Variants in ABCB4 observed in about 807,000 individuals in gnomAD.
The protein encoded by ABCB4 is ATP binding cassette subfamily B member 4.
Under a neutral mutation model 145.7 loss-of-function variants are expected in ABCB4, and 76 were observed. The ratio of observed to expected loss-of-function variants is 0.52; its 90% CI spans 0.43 to 0.63. The LOEUF (loss-of-function observed/expected upper bound fraction) is 0.63, where lower values mean the gene tolerates loss of function less well. ABCB4 is among the 30% of genes least tolerant of loss of function. ABCB4 has a pLI of 0.00. For synonymous variants in ABCB4, 517 were observed against 566.8 expected, an observed-to-expected ratio of 0.91 and a Z score of 1.25; for missense variants, 1,234 against 1,553.1, an observed-to-expected ratio of 0.79 and a Z score of 3.45.
downstream of ABCB4, chr7:87,398,706 T>A (rs576804700): frequency 8.6e-5 from 130 of 1,516,044 alleles, 2 homozygotes; most frequent in South Asian, 1.5e-3. Flanking sequence ...TGGGAGTGAG[T>A]TGGTAATATG....
chr7:87,474,671 G>A (rs1350902459), intron 2 of ABCB4, among the ~76,000 whole-genome samples: 1 of 152,134 alleles, frequency 6.6e-6, no homozygotes, highest in Non-Finnish European at 1.5e-5. Flanking sequence ...TATTCCCACA[G>A]TGAAAGAGGA....
chr7:87,450,038 C>T lies in ABCB4; in HGVS notation c.763G>A (p.Val255Met), dbSNP rs779602128. The change falls in exon 8 of 28, where the codon GTG becomes ATG. Residue 255 changes from valine to methionine, a missense_variant. Transcript: ENST00000649586. ...ELAAYAKAGA[V>M]AEEALGAIRT... ...ATGGCCCCCAGAGCCTCTTCTGCCACGGCGCCTGCTTTTGCATAAGCAGCT... is the reference window on the plus strand; with the variant it reads ...ATGGCCCCCAGAGCCTCTTCTGCCATGGCGCCTGCTTTTGCATAAGCAGCT... The T allele has an allele frequency of 1.9e-5, 30 of 1,614,060 alleles. No homozygotes were observed. The highest frequency in any genetic ancestry group is 8.0e-5 in the African/African-American group (6 of 74,934).
chr7:87,402,124 C>G lies in ABCB4; in HGVS notation c.3812G>C (p.Ser1271Thr). The G allele has an allele frequency of 6.2e-7, 1 of 1,614,078 alleles. No homozygotes were observed. The highest frequency in any genetic ancestry group is 8.5e-7 in the Non-Finnish European group (1 of 1,180,030). The change falls in exon 28 of 28, where the codon AGT (serine) becomes ACT (threonine). Residue 1271 changes from serine (S) to threonine (T), a missense_variant. Ser to Thr is a moderately conservative substitution (Grantham distance 58). This residue lies in a region of ABCB4 where 58 missense variants were observed against 75.9 expected (regional missense o/e 0.76). Coordinates refer to ENST00000649586, the MANE Select transcript of ABCB4 (RefSeq NM_000443.4). ...AQKGIYFSMVSVQAGTQNL is the reference protein window; with the variant it reads ...AQKGIYFSMVTVQAGTQNL The stretch of plus-strand genomic sequence containing the variant: ...TAAGTTCTGTGTCCCAGCCTGGACA[C>G]TGACCATTGAAAAATAGATGCCTTT...
At chr7:87,414,675 CT>C (rs937123072) in intron 21 of ABCB4, among the ~76,000 whole-genome samples, 16 of 148,646 alleles carry the variant, frequency 1.1e-4, no homozygotes, top group South Asian at 2.1e-4. Context: ...AGCTTTAAGA[CT>C]TTTTTTTTTA....
chr7:87,472,002 A>C (rs1012769796), intron 3 of ABCB4, among the ~76,000 whole-genome samples: 1 of 152,150 alleles, frequency 6.6e-6, no homozygotes, highest in Non-Finnish European at 1.5e-5. Context: ...GCAGAAATGC[A>C]TTTTCTTGAA....
At chr7:87,427,341 C>T (rs556236844) in intron 15 of ABCB4, among the ~76,000 whole-genome samples, 11 of 152,134 alleles carry the variant, frequency 7.2e-5, no homozygotes, top group Admixed American at 6.5e-4. Flanking sequence ...TGGTCACTAC[C>T]CACGGGAGGT....
chr7:87,453,169 T>G (rs762430123), intron 5 of ABCB4, 34 bp from the exon 6 acceptor site: 1 of 1,591,330 alleles, frequency 6.3e-7, no homozygotes. Context: ...ATTAAATACC[T>G]TCTCTTTTCT....
intron 15 of ABCB4, among the ~76,000 whole-genome samples, chr7:87,427,519 G>C (rs1809921910): frequency 6.6e-6 from 1 of 152,176 alleles, no homozygotes; most frequent in South Asian, 2.1e-4. Context: ...AGGACTTCTA[G>C]TTCACTGCCT....
At chr7:87,430,130 C>T (rs1810108180) in intron 15 of ABCB4, among the ~76,000 whole-genome samples, 1 of 152,054 alleles carries the variant, frequency 6.6e-6, no homozygotes, top group African/African-American at 2.4e-5. Context: ...AAAATTTTGA[C>T]AACCTTTTTT....
intron 10 of ABCB4, 70 bp downstream of exon 10, chr7:87,444,792 C>T: frequency 8.3e-7 from 1 of 1,200,244 alleles, no homozygotes; most frequent in Non-Finnish European, 1.2e-6. Flanking sequence ...CAAAAATATG[C>T]AAACTAAAGC....
intron 21 of ABCB4, among the ~76,000 whole-genome samples, chr7:87,415,408 A>G (rs1808899896): frequency 6.6e-6 from 1 of 152,228 alleles, no homozygotes; most frequent in Admixed American, 6.5e-5. Flanking sequence ...CTGACTGAGT[A>G]AACAATATTA....
chr7:87,366,395 T>A, the ABCB4 span, among the ~76,000 whole-genome samples: 3 of 152,174 alleles, frequency 2.0e-5, no homozygotes, highest in Non-Finnish European at 4.4e-5. Context: ...ACCACTACAT[T>A]GTTGCAGTGA....
chr7:87,401,974 T>C lies in ABCB4; in HGVS notation c.*122A>G. The C allele has an allele frequency of 7.3e-7, 1 of 1,372,510 alleles. No individual in the cohort carries two copies. The highest frequency in any genetic ancestry group is 1.2e-5 in the South Asian group (1 of 80,334). 85.0% of individuals were successfully genotyped at this position (1,372,510 alleles called of 1,614,324 possible). On this transcript the variant is annotated 3_prime_UTR_variant, in exon 28 of 28. Transcript: ENST00000649586. ...TAAACCCCAAATTGGGTCTTCTAAA[T>C]TGATCTAGAATGAGACAGACATACC...
At chr7:87,395,973 A>G in the ABCB4 span, among the ~76,000 whole-genome samples, 1 of 152,228 alleles carries the variant, frequency 6.6e-6, no homozygotes, top group African/African-American at 2.4e-5. Flanking sequence ...GTTGTTAAGA[A>G]GAAGTCATGA....
At chr7:87,410,216 T>A (rs1232519930) in intron 23 of ABCB4, among the ~76,000 whole-genome samples, 1 of 152,178 alleles carries the variant, frequency 6.6e-6, no homozygotes, top group African/African-American at 2.4e-5. Context: ...GATCTACAAC[T>A]TCACAAAGCA....
At chr7:87,448,483 A>G (rs1811492840) in intron 8 of ABCB4, among the ~76,000 whole-genome samples, 1 of 152,204 alleles carries the variant, frequency 6.6e-6, no homozygotes, top group African/African-American at 2.4e-5. Flanking sequence ...CTCTGGGGGT[A>G]GCCAGCAGGC....
chr7:87,416,288 C>G (rs916688441), intron 21 of ABCB4, among the ~76,000 whole-genome samples: 4 of 152,210 alleles, frequency 2.6e-5, no homozygotes, highest in Admixed American at 2.6e-4. Context: ...TTAATCTTCC[C>G]TCTTAATATG....
chr7:87,384,211 G>T, the ABCB4 span, among the ~76,000 whole-genome samples: 1 of 152,078 alleles, frequency 6.6e-6, no homozygotes, highest in Non-Finnish European at 1.5e-5. Flanking sequence ...TTGGCTGTTT[G>T]TATGTCTTCT....
chr7:87,377,308 T>C, the ABCB4 span: 18 of 1,260,128 alleles, frequency 1.4e-5, no homozygotes, highest in South Asian at 1.9e-4. Flanking sequence ...TACAAACCAA[T>C]ATTAAACCCT....
Sources: gnomAD v4.1 joint callset for allele counts (sites outside exome capture counted in the v4.1 genomes callset) on GRCh38, gnomAD v4.1.1 for gene constraint, gnomAD v4.1.1 regional missense constraint, MANE v1.5 for transcripts, NCBI Gene and HGNC (gene_info 2026-07-23, HGNC 2026-07-21) for gene names.